NSG2: variants seen among roughly 807,000 people sequenced by gnomAD.
NSG2 encodes the protein neuronal vesicle trafficking associated 2, also known as neuronal vesicle trafficking-associated protein 2.
In NSG2, 4 loss-of-function variants were observed where a neutral mutation model predicts 16.9. The observed-to-expected ratio is 0.24, with a 90% confidence interval of 0.12 to 0.54. The LOEUF (loss-of-function observed/expected upper bound fraction) is 0.54. Among genes scored for constraint, NSG2 ranks in the 20% least tolerant of loss-of-function variants. The pLI is 0.95. For synonymous variants in NSG2, 98 were observed against 88.7 expected (o/e 1.11, Z -0.59); for missense variants, 179 against 221.1 (o/e 0.81, Z 1.21).
At chr5:174,054,991 C>T (rs767432784) in intron 2 of NSG2, among the ~76,000 whole-genome samples, 4 of 152,144 alleles carry the variant, frequency 2.6e-5, no homozygotes, top group Non-Finnish European at 5.9e-5. Flanking sequence ...GTGTCTAGTA[C>T]GTAGTAGATG....
At chr5:174,069,137 T>A (rs1444110008) in intron 3 of NSG2, among the ~76,000 whole-genome samples, 1 of 151,282 alleles carries the variant, frequency 6.6e-6, no homozygotes, top group Non-Finnish European at 1.5e-5. Flanking sequence ...CTGTGGAGGG[T>A]GCTGGTGTGA....
intron 3 of NSG2, among the ~76,000 whole-genome samples, chr5:174,064,990 C>A (rs1442388375): frequency 6.6e-6 from 1 of 152,022 alleles, no homozygotes; most frequent in East Asian, 1.9e-4. Context: ...AGGAGGCTAG[C>A]CCCAACCCTG....
At position 174,046,890 on chromosome 5, in the gene NSG2, G is replaced by T; in HGVS notation, c.129+6G>T. 1 of 1,613,892 alleles carries T rather than the reference G, an allele frequency of 6.2e-7. No homozygotes were observed. The highest frequency in any genetic ancestry group is 8.5e-7 in the Non-Finnish European group (1 of 1,179,914). On this transcript the variant is annotated splice_donor_region_variant and intron_variant, in intron 2 of 4. Transcript: ENST00000303177. ...AGCTGCCTGCTCCAGAAAAGGTAAA[G>T]CATGTCCTCTTGCTCTCATCAGCCC...
At chr5:174,067,182 G>T (rs182412008) in intron 3 of NSG2, among the ~76,000 whole-genome samples, 2 of 152,246 alleles carry the variant, frequency 1.3e-5, no homozygotes, top group East Asian at 3.9e-4. Context: ...GTTATTAGCA[G>T]TGATATAGGG....
At chr5:174,071,644 G>A (rs1290479483) in intron 3 of NSG2, among the ~76,000 whole-genome samples, 2 of 152,166 alleles carry the variant, frequency 1.3e-5, no homozygotes, top group African/African-American at 4.8e-5. Flanking sequence ...CCACTCTTTG[G>A]GCTCCTGCCT....
intron 3 of NSG2, among the ~76,000 whole-genome samples, chr5:174,078,722 C>G (rs907578637): frequency 6.6e-6 from 1 of 152,172 alleles, no homozygotes; most frequent in Non-Finnish European, 1.5e-5. Flanking sequence ...GTCTTTATAA[C>G]AGAGGCCCCA....
chr5:174,096,152 G>A (rs974104926), intron 3 of NSG2, among the ~76,000 whole-genome samples: 2 of 152,244 alleles, frequency 1.3e-5, no homozygotes, highest in African/African-American at 2.4e-5. Context: ...CAAGAACAGT[G>A]CCTGGCACAA....
At chr5:174,069,129 G>C (rs915356044) in intron 3 of NSG2, among the ~76,000 whole-genome samples, 1 of 151,210 alleles carries the variant, frequency 6.6e-6, no homozygotes, top group African/African-American at 2.4e-5. Flanking sequence ...CCCTGGTGCT[G>C]TGGAGGGTGC....
intron 2 of NSG2, among the ~76,000 whole-genome samples, chr5:174,059,175 A>G (rs911127042): frequency 5.3e-5 from 8 of 152,232 alleles, no homozygotes; most frequent in Non-Finnish European, 1.0e-4. Flanking sequence ...TATTATATGT[A>G]TACTTGAAGT....
chr5:174,099,233 C>G (rs571609024), intron 3 of NSG2, among the ~76,000 whole-genome samples: 2 of 152,294 alleles, frequency 1.3e-5, no homozygotes, highest in South Asian at 2.1e-4. Context: ...CCAGGACTCT[C>G]CAGCTCCCGC....
At chr5:174,064,397 G>A (rs1760107634) in intron 3 of NSG2, 82 bp downstream of exon 3, 1 of 831,922 alleles carries the variant, frequency 1.2e-6, no homozygotes, top group African/African-American at 1.7e-5. Flanking sequence ...CTTGGAGCAA[G>A]TACTGCTGTG....
At chr5:174,088,048 T>C (rs970088345) in intron 3 of NSG2, among the ~76,000 whole-genome samples, 2 of 152,082 alleles carry the variant, frequency 1.3e-5, no homozygotes, top group Non-Finnish European at 2.9e-5. Flanking sequence ...GTCTTGCCAT[T>C]TTAGGGTTGT....
In NSG2 at chr5:174,107,218, C is replaced by G. The variant is rs530269948; in HGVS notation, c.325-96C>G. ...TGTCACCTGCCCTCTGGCTGACAGC[C>G]CGATGCAGCTGCACTCCAGTCAGGG... On this transcript the variant is annotated intron_variant, in intron 4 of 4. Transcript: ENST00000303177. The surrounding 1 kb of genome is among the most constrained non-coding windows in gnomAD (Gnocchi z 4.5). The G allele has an allele frequency of 8.7e-7, 1 of 1,153,850 alleles. No homozygotes were observed. The highest frequency in any genetic ancestry group is 2.6e-5 in the Admixed American group (1 of 39,214). 71.5% of individuals were successfully genotyped at this position (1,153,850 alleles called of 1,614,324 possible).
intron 3 of NSG2, among the ~76,000 whole-genome samples, chr5:174,094,491 C>T (rs1340081625): frequency 6.6e-6 from 1 of 152,176 alleles, no homozygotes; most frequent in Non-Finnish European, 1.5e-5. Flanking sequence ...AGAGATGAAG[C>T]ATCTTACCCA....
At chr5:174,051,621 G>C (rs1016489543) in intron 2 of NSG2, among the ~76,000 whole-genome samples, 15 of 152,128 alleles carry the variant, frequency 9.9e-5, no homozygotes, top group African/African-American at 3.4e-4. Flanking sequence ...GGTACCCTCT[G>C]TGAGCCAGGC....
intron 3 of NSG2, among the ~76,000 whole-genome samples, chr5:174,098,438 T>TC: frequency 6.6e-6 from 1 of 151,770 alleles, no homozygotes; most frequent in Non-Finnish European, 1.5e-5. Flanking sequence ...CTCAGCGTTC[T>TC]CTCCTTGTCC....
At chr5:174,091,769 G>T (rs186602998) in intron 3 of NSG2, among the ~76,000 whole-genome samples, 1 of 152,158 alleles carries the variant, frequency 6.6e-6, no homozygotes, top group East Asian at 1.9e-4. Context: ...GAAATAATAC[G>T]TGTTTTGGAT....
At chr5:174,086,619 C>T (rs768491925) in intron 3 of NSG2, 2 of 152,152 alleles carry the variant, frequency 1.3e-5, no homozygotes, top group African/African-American at 4.8e-5. Flanking sequence ...CTCAACAGGT[C>T]GGTGAGATCT....
chr5:174,074,326 T>C (rs1475773602), intron 3 of NSG2, among the ~76,000 whole-genome samples: 1 of 152,166 alleles, frequency 6.6e-6, no homozygotes, highest in Non-Finnish European at 1.5e-5. Context: ...GTGAGCTTCC[T>C]CTTGTAGCTG....
Sources: gnomAD v4.1 joint callset for allele counts (sites outside exome capture counted in the v4.1 genomes callset) on GRCh38, gnomAD v4.1.1 for gene constraint, Gnocchi (gnomAD v3.1) non-coding constraint, MANE v1.5 for transcripts, NCBI Gene and HGNC (gene_info 2026-07-23, HGNC 2026-07-21) for gene names.